The following SART3 variants were observed in gnomAD, a reference collection of about 807,000 sequenced individuals.
SART3 encodes spliceosome associated factor 3, U4/U6 recycling protein, also known as HIV-1 Tat-interacting protein of 110kDa.
Under a neutral mutation model 122.3 loss-of-function variants are expected in SART3, and 44 were observed. The observed-to-expected ratio is 0.36, with a 90% CI of 0.28 to 0.46. The LOEUF (loss-of-function observed/expected upper bound fraction) is 0.46. Among genes scored for constraint, SART3 ranks in the 20% least tolerant of loss-of-function variants. The pLI, the probability that SART3 is intolerant of heterozygous loss-of-function variation, is 1.00. For missense variants in SART3, 1,101 were observed against 1,229.0 expected (o/e 0.90, Z 1.56); for synonymous variants, 442 against 454.0 (o/e 0.97, Z 0.34).
In SART3 at chr12:108,536,691, G is replaced by C. The variant is rs991153639; in HGVS notation, c.1387+17C>G. ...GGAAATACAACTGGGCAAAACCACA[G>C]GCTGGGGCATACTTACGCTCTTCCA... On this transcript the variant is annotated intron_variant, in intron 10 of 18. Transcript: ENST00000546815. 1 of 1,613,666 alleles carries C rather than the reference G, an allele frequency of 6.2e-7. No individual in the cohort carries two copies.
rs1192706189 is a variant in SART3 at position 108,523,334 on chromosome 12, G to A, written c.*123C>T. On this transcript the variant is annotated 3_prime_UTR_variant, in exon 19 of 19. Transcript: ENST00000546815. Reference sequence around the variant, plus strand: ...CTTCCCCTTTCTGTCTAAAGCCGAGGAGCCATCTGTGGTTGCGAGCACGCA... The same window carrying A: ...CTTCCCCTTTCTGTCTAAAGCCGAGAAGCCATCTGTGGTTGCGAGCACGCA... 6.0e-6 allele frequency: 6 copies of A among 994,610 alleles called. No homozygotes were observed. The highest frequency in any genetic ancestry group is 3.2e-5 in the African/African-American group (2 of 63,034). 61.6% of individuals were successfully genotyped at this position (994,610 alleles called of 1,614,324 possible).
At chr12:108,557,973 G>A (rs2030303132) in intron 1 of SART3, among the ~76,000 whole-genome samples, 1 of 152,042 alleles carries the variant, frequency 6.6e-6, no homozygotes, top group South Asian at 2.1e-4. Flanking sequence ...GCACCTGCCT[G>A]GGCAACATAG....
chr12:108,525,727 G>T, intron 16 of SART3, 118 bp from the exon 17 acceptor site: 1 of 1,068,730 alleles, frequency 9.4e-7, no homozygotes, highest in Non-Finnish European at 1.4e-6. Context: ...CTAGAGCCAA[G>T]CCATGCTCTG....
intron 1 of SART3, among the ~76,000 whole-genome samples, chr12:108,550,966 C>A (rs144956305): frequency 3.3e-5 from 5 of 152,218 alleles, no homozygotes; most frequent in African/African-American, 1.2e-4. Context: ...AATAGTAAAA[C>A]GGCAGGCTTT....
At position 108,523,104 on chromosome 12, in the gene SART3, T is replaced by A. The variant is rs1872200200; in HGVS notation, c.*353A>T. 2.7e-6 allele frequency: 1 copy of A among 369,872 alleles called. No individual in the cohort carries two copies. Among genetic ancestry groups the A allele is most frequent in the Non-Finnish European group, 5.1e-6 (1 of 197,052 alleles). 22.9% of individuals were successfully genotyped at this position (369,872 alleles called of 1,614,324 possible). The stretch of plus-strand genomic sequence containing the variant: ...TGTGCAGGGTGGAAGAGAAGTGTCA[T>A]ACAAAAAGGGGCCGGAGCTGGCCAG... On this transcript the variant is annotated 3_prime_UTR_variant, in exon 19 of 19. Transcript: ENST00000546815.
rs577831687 is a variant in SART3, at chr12:108,523,114, G to A, written c.*343C>T. On this transcript the variant is annotated 3_prime_UTR_variant, in exon 19 of 19. Transcript: ENST00000546815. ...GGAAGAGAAGTGTCATACAAAAAGG[G>A]GCCGGAGCTGGCCAGAAACATTTGG... 3.8e-4 allele frequency: 147 copies of A among 386,278 alleles called. 1 individual carries two copies. The highest frequency in any genetic ancestry group is 9.2e-5 in the Non-Finnish European group (19 of 206,832). The allele number at this position is 386,278 out of a possible 1,614,324, so 23.9% of individuals were successfully genotyped here.
intron 15 of SART3, among the ~76,000 whole-genome samples, chr12:108,529,876 T>A (rs186502213): frequency 1.3e-5 from 2 of 152,014 alleles, no homozygotes; most frequent in East Asian, 3.9e-4. Context: ...AACACAATAG[T>A]GCATCCTGAA....
chr12:108,544,983 G>T, intron 4 of SART3, 156 bp downstream of exon 4: 2 of 813,762 alleles, frequency 2.5e-6, no homozygotes, highest in Non-Finnish European at 4.3e-6. Flanking sequence ...ATAAAAAAAG[G>T]TTATCTATCA....
intron 12 of SART3, chr12:108,532,639 G>C: frequency 2.7e-6 from 1 of 370,632 alleles, no homozygotes; most frequent in South Asian, 2.1e-5. Context: ...CATGGCGGGG[G>C]AGTCCAACAG....
chr12:108,550,677 A>G (rs1360894546), intron 1 of SART3, among the ~76,000 whole-genome samples: 1 of 152,242 alleles, frequency 6.6e-6, no homozygotes, highest in Non-Finnish European at 1.5e-5. Context: ...CCTGGCCAAC[A>G]TGGTGAAACC....
chr12:108,539,850 T>C (rs901324761), intron 6 of SART3, among the ~76,000 whole-genome samples: 4 of 151,906 alleles, frequency 2.6e-5, no homozygotes, highest in African/African-American at 4.8e-5. Context: ...CCAGACACAC[T>C]GTACCATTCA....
intron 12 of SART3, among the ~76,000 whole-genome samples, chr12:108,534,775 A>G (rs1156312411): frequency 6.6e-6 from 1 of 152,256 alleles, no homozygotes; most frequent in African/African-American, 2.4e-5. Context: ...AAAAATCTTC[A>G]AAAAAGAAAA....
chr12:108,553,945 C>G (rs1254675344), intron 1 of SART3: 1 of 152,220 alleles, frequency 6.6e-6, no homozygotes, highest in African/African-American at 2.4e-5. Context: ...ATCTCTCCAG[C>G]TACATCTCAA....
In SART3 at chr12:108,561,080, C is replaced by T. The variant is rs879934361; in HGVS notation, c.75G>A (p.Glu25=). The change falls in exon 1 of 19, where the codon GAG becomes GAA. Residue 25 remains glutamate, a synonymous_variant. Coordinates refer to ENST00000546815, the MANE Select transcript of SART3 (RefSeq NM_014706.4). ...ESKAGPKADG[E]EDEVKAARTR... is the part of the protein sequence containing the mutation. ...TCCTAGCCGCCTTAACCTCATCCTC[C>T]TCTCCGTCAGCCTTGGGCCCAGCCT... 1 of 1,614,178 alleles carries T rather than the reference C, an allele frequency of 6.2e-7. No homozygotes were observed.
chr12:108,547,348 T>C (rs1873473214), intron 3 of SART3, among the ~76,000 whole-genome samples: 1 of 151,644 alleles, frequency 6.6e-6, no homozygotes, highest in Admixed American at 6.6e-5. Context: ...CAGCAGTGGT[T>C]AGATGAATCT....
In SART3 at chr12:108,522,215, G is replaced by A. The variant is rs1375600995; in HGVS notation, c.*1242C>T. On this transcript the variant is annotated 3_prime_UTR_variant, in exon 19 of 19. Coordinates refer to ENST00000546815, the MANE Select transcript of SART3 (RefSeq NM_014706.4). Reference sequence around the variant, plus strand: ...AGTTGAGGAATGCTGGAAGCTGAATGGTAGGCACACAGGAGTTTATTTTAC... The same window carrying A: ...AGTTGAGGAATGCTGGAAGCTGAATAGTAGGCACACAGGAGTTTATTTTAC... 6.6e-6 allele frequency among the ~76,000 whole-genome samples: 1 copy of A among 152,166 alleles called. No homozygotes were observed. Among genetic ancestry groups the A allele is most frequent in the Admixed American group, 6.5e-5 (1 of 15,284 alleles).
At chr12:108,553,697 A>G (rs1307889517) in intron 1 of SART3, among the ~76,000 whole-genome samples, 1 of 152,236 alleles carries the variant, frequency 6.6e-6, no homozygotes, top group Non-Finnish European at 1.5e-5. Flanking sequence ...ACTTTAGGAT[A>G]AAAATCTTAA....
chr12:108,542,696 G>A (rs560814235), intron 6 of SART3: 3 of 370,010 alleles, frequency 8.1e-6, no homozygotes, highest in East Asian at 6.9e-5. Flanking sequence ...ATTAATTAAG[G>A]ATACTTTCAT....
intron 17 of SART3, 39 bp downstream of exon 17, chr12:108,525,418 A>G: frequency 6.2e-7 from 1 of 1,612,744 alleles, no homozygotes; most frequent in Non-Finnish European, 8.5e-7. Context: ...AAGTTTGCCC[A>G]AGCCTTGAAG....
Sources: allele counts gnomAD v4.1 joint callset (sites outside exome capture counted in the v4.1 genomes callset), GRCh38; gene constraint gnomAD v4.1.1; transcripts MANE v1.5; gene names NCBI Gene and HGNC (gene_info 2026-07-23, HGNC 2026-07-21).